Variants in PDE10A observed in about 807,000 individuals in gnomAD.
PDE10A encodes cAMP and cAMP-inhibited cGMP 3',5'-cyclic phosphodiesterase 10A.
In PDE10A, 39 loss-of-function variants were observed where a neutral mutation model predicts 97.7. The observed-to-expected ratio is 0.40, with a 90% CI of 0.31 to 0.52. The LOEUF is 0.52. Ranked by LOEUF, PDE10A falls within the 20% of genes least tolerant of loss-of-function variation. The pLI is 0.56. For missense variants in PDE10A, 731 were observed against 1,047.8 expected (o/e 0.70, Z 4.17); for synonymous variants, 371 against 376.8 (o/e 0.98, Z 0.18).
rs147511033 is a variant in PDE10A at position 165,920,928 on chromosome 6, T to C, written c.-615+66601A>G. ...ACACAAATAGCACTCTCCTCCAAAA[T>C]TTGTTTGGAGGAAAGAATCTTAAGT... On this transcript the variant is annotated intron_variant, in intron 1 of 19. Coordinates refer to the PDE10A transcript ENST00000366882. Among the ~76,000 whole-genome samples the C allele has an allele frequency of 7.2e-5, 11 of 152,246 alleles. No individual in the cohort carries two copies. In the East Asian group the frequency reaches 2.1e-3, roughly 29 times the overall value.
chr6:165,750,132 C>G (rs1212934465), intron 1 of PDE10A, among the ~76,000 whole-genome samples: 1 of 152,026 alleles, frequency 6.6e-6, no homozygotes, highest in Non-Finnish European at 1.5e-5. Flanking sequence ...GGGCACAGGG[C>G]AGAAGTGGAG....
intron 5 of PDE10A, among the ~76,000 whole-genome samples, chr6:165,444,301 C>T (rs1790683762): frequency 6.6e-6 from 1 of 152,126 alleles, no homozygotes; most frequent in Admixed American, 6.5e-5. Flanking sequence ...ATGAAGAATT[C>T]TTAGACAGAA....
chr6:165,619,684 G>A (rs1413543625), intron 1 of PDE10A, among the ~76,000 whole-genome samples: 1 of 143,864 alleles, frequency 7.0e-6, no homozygotes, highest in Non-Finnish European at 1.6e-5. Context: ...GTAGTCTAGT[G>A]TAGTGTAGTG....
At chr6:165,577,080 A>T (rs4235950) in intron 1 of PDE10A, among the ~76,000 whole-genome samples, 1 of 152,330 alleles carries the variant, frequency 6.6e-6, no homozygotes, top group African/African-American at 2.4e-5. Context: ...AAGCAGATCC[A>T]AAGGGTGTGA....
At chr6:165,544,853 A>G (rs1479837917) in intron 1 of PDE10A, among the ~76,000 whole-genome samples, 1 of 152,030 alleles carries the variant, frequency 6.6e-6, no homozygotes, top group Non-Finnish European at 1.5e-5. Flanking sequence ...ATACACACAC[A>G]AATAGAGTTG....
At chr6:165,637,342 T>C (rs1380504656) in intron 1 of PDE10A, among the ~76,000 whole-genome samples, 1 of 152,154 alleles carries the variant, frequency 6.6e-6, no homozygotes, top group Non-Finnish European at 1.5e-5. Flanking sequence ...AATGTGGCCC[T>C]GATTCTGTCA....
chr6:165,905,060 A>G (rs1782223522), intron 1 of PDE10A, among the ~76,000 whole-genome samples: 1 of 152,182 alleles, frequency 6.6e-6, no homozygotes, highest in African/African-American at 2.4e-5. Context: ...TATTTACTGT[A>G]TACAAGGAAA....
intron 1 of PDE10A, among the ~76,000 whole-genome samples, chr6:165,842,956 G>GAA (rs1780301312): frequency 6.6e-6 from 1 of 152,236 alleles, no homozygotes; most frequent in Non-Finnish European, 1.5e-5. Flanking sequence ...TTGTCTACCT[G>GAA]AAAGTGCTGT....
Position 165,391,273 on chromosome 6 carries a change from C to T in PDE10A, c.2454+1373G>A, listed in dbSNP as rs1785693432. Reference sequence around the variant, plus strand: ...TTTGGGGATTATTTTTCAGCCAAAACGATCTGATGTTTTGGGAAAATGTAA... The same window carrying T: ...TTTGGGGATTATTTTTCAGCCAAAATGATCTGATGTTTTGGGAAAATGTAA... On this transcript the variant is annotated intron_variant, in intron 16 of 21. Transcript: ENST00000539869. Among the ~76,000 whole-genome samples, 3 of 152,148 alleles carry T rather than the reference C, an allele frequency of 2.0e-5. No homozygotes were observed. The South Asian group carries it at 6.2e-4, about 32-fold the overall frequency.
At chr6:165,522,682 G>A (rs1291630344) in intron 2 of PDE10A, among the ~76,000 whole-genome samples, 3 of 151,978 alleles carry the variant, frequency 2.0e-5, no homozygotes, top group South Asian at 2.1e-4. Flanking sequence ...GCAAAAGCTA[G>A]AAGCTTTTGC....
intron 1 of PDE10A, among the ~76,000 whole-genome samples, chr6:165,659,015 T>C (rs1044620149): frequency 1.3e-5 from 2 of 152,164 alleles, no homozygotes; most frequent in African/African-American, 4.8e-5. Context: ...TTTCTTTCTG[T>C]CTCTGGGGCC....
rs1491503021 is a variant in PDE10A, at chr6:165,406,227, GAT to G, written c.2076+7272_2076+7273del. On this transcript the variant is annotated intron_variant, in intron 13 of 21. Transcript: ENST00000539869. ...ATTCAAATTCAAGATGAGGGAAAAG[GAT>G]GTGTGTGTGTGTGTGTGTGTGTGTG... is the stretch of plus-strand genomic sequence containing the variant. Among the ~76,000 whole-genome samples, 11 of 30,504 alleles carry G rather than the reference GAT, an allele frequency of 3.6e-4. No individual in the cohort carries two copies. The South Asian group carries it at 7.2e-3, about 20-fold the overall frequency. The allele number at this position is 30,504 out of a possible 152,430, so 20.0% of individuals were successfully genotyped here.
intron 1 of PDE10A, among the ~76,000 whole-genome samples, chr6:165,706,392 G>A (rs1034419505): frequency 6.6e-6 from 1 of 151,852 alleles, no homozygotes; most frequent in Non-Finnish European, 1.5e-5. Context: ...AGAAACATTC[G>A]GGTTGCTAGA....
chr6:165,464,493 T>C lies in PDE10A; in HGVS notation c.1024-14131A>G, dbSNP rs2128262902. On this transcript the variant is annotated intron_variant, in intron 3 of 21. Transcript: ENST00000539869. ...TGCTAAGCCATACCACTTCAAATAG[T>C]AAATGTATTAACTAGATGTTAATAT... is the stretch of plus-strand genomic sequence containing the variant. Among the ~76,000 whole-genome samples, 2 of 152,376 alleles carry C rather than the reference T, an allele frequency of 1.3e-5. 1 individual carries two copies. The highest frequency in any genetic ancestry group is 4.1e-4 in the South Asian group (2 of 4,830).
chr6:165,608,076 ATATATGTATATATATG>A (rs1240571386), intron 1 of PDE10A, among the ~76,000 whole-genome samples: 2 of 136,444 alleles, frequency 1.5e-5, no homozygotes, highest in African/African-American at 6.8e-5. Flanking sequence ...ATATATATGT[ATATATGTATATATATG>A]TGCATATATA....
At chr6:165,667,622 A>G (rs770185425), upstream of PDE10A, among the ~76,000 whole-genome samples, 10 of 151,746 alleles carry the variant, frequency 6.6e-5, no homozygotes, top group Non-Finnish European at 1.2e-4. Flanking sequence ...CTATCTGAGA[A>G]AGGGGTTATG....
chr6:165,715,936 C>T (rs957331576), intron 1 of PDE10A, among the ~76,000 whole-genome samples: 2 of 152,234 alleles, frequency 1.3e-5, no homozygotes, highest in African/African-American at 2.4e-5. Context: ...TATTTATACC[C>T]TGCCTGGGAG....
intron 18 of PDE10A, among the ~76,000 whole-genome samples, chr6:165,367,945 A>T (rs1783923027): frequency 6.6e-6 from 1 of 152,228 alleles, no homozygotes; most frequent in Non-Finnish European, 1.5e-5. Flanking sequence ...TGAATTAAAA[A>T]CAGAGGAAAT....
intron 1 of PDE10A, among the ~76,000 whole-genome samples, chr6:165,681,410 GTGTGTGTGTGTGTGTGTGTC>G (rs1004495149): frequency 6.6e-6 from 1 of 150,626 alleles, no homozygotes; most frequent in African/African-American, 2.5e-5. Flanking sequence ...GTGTGTGTGT[GTGTGTGTGTGTGTGTGTGTC>G]TGTGTGCATT....
Sources: gnomAD v4.1 joint callset for allele counts (sites outside exome capture counted in the v4.1 genomes callset) on GRCh38, gnomAD v4.1.1 for gene constraint, MANE v1.5 for transcripts, NCBI Gene and HGNC (gene_info 2026-07-23, HGNC 2026-07-21) for gene names.